Variants in GRIN2B observed in about 807,000 individuals in gnomAD.
GRIN2B encodes glutamate ionotropic receptor NMDA type subunit 2B.
In GRIN2B, 5 loss-of-function variants were observed where a neutral mutation model predicts 114.5. The observed-to-expected ratio is 0.04, with a 90% CI of 0.02 to 0.09. The LOEUF (loss-of-function observed/expected upper bound fraction) is 0.09, where lower values mean the gene tolerates loss of function less well. Among genes scored for constraint, GRIN2B ranks in the 10% least tolerant of loss-of-function variants. The pLI, the probability that GRIN2B is intolerant of heterozygous loss-of-function variation, is 1.00. For synonymous variants in GRIN2B, 787 were observed against 745.1 expected (o/e 1.06, Z -0.92); for missense variants, 1,108 against 1,943.5 (o/e 0.57, Z 8.08).
intron 5 of GRIN2B, among the ~76,000 whole-genome samples, chr12:13,617,458 A>T (rs561390260): frequency 3.9e-5 from 6 of 152,348 alleles, no homozygotes; most frequent in Non-Finnish European, 7.3e-5. Context: ...AATCATGAAC[A>T]TGGCGGCCTG....
chr12:13,926,564 A>C (rs2136818929), intron 2 of GRIN2B, among the ~76,000 whole-genome samples: 1 of 152,324 alleles, frequency 6.6e-6, no homozygotes, highest in South Asian at 2.1e-4. Flanking sequence ...AGAGCTGAGA[A>C]GGATGTCCAA....
chr12:13,926,489 T>G (rs572173485), intron 2 of GRIN2B, among the ~76,000 whole-genome samples: 1 of 152,222 alleles, frequency 6.6e-6, no homozygotes, highest in African/African-American at 2.4e-5. Flanking sequence ...GAGACCACCT[T>G]GTACGATAAC....
intron 3 of GRIN2B, among the ~76,000 whole-genome samples, chr12:13,838,143 A>C (rs1865311486): frequency 6.6e-6 from 1 of 152,212 alleles, no homozygotes; most frequent in African/African-American, 2.4e-5. Context: ...AGGGATGAGG[A>C]CAGGAAAGAA....
At chr12:13,688,319 A>G (rs1279098573) in intron 4 of GRIN2B, among the ~76,000 whole-genome samples, 2 of 152,194 alleles carry the variant, frequency 1.3e-5, no homozygotes, top group Admixed American at 6.5e-5. Flanking sequence ...CCAGTGGTCC[A>G]TCAGTTGTTT....
rs1458120181 is a variant in GRIN2B at position 13,563,433 on chromosome 12, G to A, written c.3805C>T (p.Pro1269Ser). 2.5e-6 allele frequency: 4 copies of A among 1,614,098 alleles called. No homozygotes were observed. The African/African-American group carries it at 5.3e-5, about 22-fold the overall frequency. Residue 1269 changes from proline to serine, a missense_variant, in exon 14 of 14, where the codon CCA becomes TCA. Around this residue, in one of 19 missense-constraint regions of GRIN2B, gnomAD observed 478 missense variants for 506.0 expected, o/e 0.94. Transcript: ENST00000609686. ...SLQELDQPAAPVAVTSNASTT... is the reference protein window; with the variant it reads ...SLQELDQPAASVAVTSNASTT... Reference sequence around the variant, plus strand: ...GAGGCGTTTGACGTCACCGCCACTGGGGCAGCCGGCTGGTCCAGTTCCTGC... The same window carrying A: ...GAGGCGTTTGACGTCACCGCCACTGAGGCAGCCGGCTGGTCCAGTTCCTGC...
intron 3 of GRIN2B, among the ~76,000 whole-genome samples, chr12:13,826,971 G>T (rs1310045950): frequency 2.0e-5 from 3 of 146,444 alleles, no homozygotes; most frequent in Admixed American, 2.0e-4. Flanking sequence ...AGATATTTTT[G>T]TATCTTTTTA....
chr12:13,715,437 A>C (rs1032179102), intron 4 of GRIN2B, among the ~76,000 whole-genome samples: 1 of 151,936 alleles, frequency 6.6e-6, no homozygotes, highest in Non-Finnish European at 1.5e-5. Flanking sequence ...TTTTTCAGGA[A>C]TAGTCTTGCT....
intron 3 of GRIN2B, among the ~76,000 whole-genome samples, chr12:13,790,565 G>A (rs1366427412): frequency 6.6e-6 from 1 of 152,190 alleles, no homozygotes; most frequent in South Asian, 2.1e-4. Context: ...GAGGTCTGCC[G>A]AGGTCCCTCA....
At chr12:13,638,023 G>A (rs1949680660) in intron 5 of GRIN2B, among the ~76,000 whole-genome samples, 1 of 152,134 alleles carries the variant, frequency 6.6e-6, no homozygotes, top group Non-Finnish European at 1.5e-5. Flanking sequence ...CACTCAAGTG[G>A]AAAGGAAGGT....
chr12:13,571,679 C>T, intron 11 of GRIN2B, 125 bp downstream of exon 11: 1 of 1,001,180 alleles, frequency 1.0e-6, no homozygotes, highest in Non-Finnish European at 1.6e-6. Flanking sequence ...CCATAAAGAG[C>T]AAATGAAGTC....
intron 3 of GRIN2B, among the ~76,000 whole-genome samples, chr12:13,765,864 G>A (rs978184201): frequency 1.3e-5 from 2 of 152,064 alleles, no homozygotes; most frequent in Non-Finnish European, 2.9e-5. Flanking sequence ...TGCAGCACAC[G>A]TTCTCAAGTT....
At chr12:13,586,785 C>T (rs187066617) in intron 10 of GRIN2B, among the ~76,000 whole-genome samples, 84 of 152,338 alleles carry the variant, frequency 5.5e-4, no homozygotes, top group African/African-American at 1.9e-3. Context: ...ACATTACCCT[C>T]TCTTCCTTCC....
intron 4 of GRIN2B, among the ~76,000 whole-genome samples, chr12:13,699,272 T>C (rs1950290109): frequency 1.3e-5 from 2 of 152,270 alleles, no homozygotes; most frequent in South Asian, 2.1e-4. Flanking sequence ...CTGCAGTGCA[T>C]TGTTGTGCTA....
chr12:13,695,101 C>T (rs186298783), intron 4 of GRIN2B, among the ~76,000 whole-genome samples: 3 of 152,242 alleles, frequency 2.0e-5, no homozygotes, highest in Admixed American at 2.0e-4. Flanking sequence ...CATTGTCCCA[C>T]TCAATTCACC....
chr12:13,596,660 C>G (rs897922793), intron 10 of GRIN2B, among the ~76,000 whole-genome samples: 1 of 152,176 alleles, frequency 6.6e-6, no homozygotes, highest in Non-Finnish European at 1.5e-5. Context: ...CAATAATATT[C>G]GATGTCTTTT....
chr12:13,821,948 C>G (rs560328292), intron 3 of GRIN2B, among the ~76,000 whole-genome samples: 4 of 152,108 alleles, frequency 2.6e-5, no homozygotes, highest in Non-Finnish European at 4.4e-5. Context: ...TGTAAGAAGC[C>G]TGCCATAAAT....
At chr12:13,929,519 T>C (rs1866982542) in intron 2 of GRIN2B, among the ~76,000 whole-genome samples, 1 of 152,214 alleles carries the variant, frequency 6.6e-6, no homozygotes, top group African/African-American at 2.4e-5. Flanking sequence ...CTAAAGAAGA[T>C]TTCCATTAGT....
intron 3 of GRIN2B, among the ~76,000 whole-genome samples, chr12:13,763,132 A>T (rs1396032672): frequency 6.6e-6 from 1 of 152,210 alleles, no homozygotes; most frequent in Non-Finnish European, 1.5e-5. Flanking sequence ...AAAAAAAAAA[A>T]ATCTTCCAAC....
At chr12:13,765,681 GC>G (rs1420389640) in intron 3 of GRIN2B, among the ~76,000 whole-genome samples, 1 of 152,194 alleles carries the variant, frequency 6.6e-6, no homozygotes, top group Admixed American at 6.5e-5. Flanking sequence ...CAGGCTCCAT[GC>G]TGTCCATGCA....
Sources: gnomAD v4.1 joint callset for allele counts (sites outside exome capture counted in the v4.1 genomes callset) on GRCh38, gnomAD v4.1.1 for gene constraint, gnomAD v4.1.1 regional missense constraint, MANE v1.5 for transcripts, NCBI Gene and HGNC (gene_info 2026-07-23, HGNC 2026-07-21) for gene names.